LRP1B: variants seen among roughly 807,000 people sequenced by gnomAD.
LRP1B encodes low-density lipoprotein receptor-related protein 1B.
LRP1B carries 217 observed loss-of-function variants against 556.6 expected under a neutral mutation model. The ratio of observed to expected loss-of-function variants is 0.39; its 90% CI spans 0.35 to 0.44. LRP1B has a LOEUF of 0.44. Ranked by LOEUF, LRP1B falls within the 20% of genes least tolerant of loss-of-function variation. The pLI is 1.00. For missense variants in LRP1B, 5,053 were observed against 5,620.8 expected (o/e 0.90, Z 3.23); for synonymous variants, 2,047 against 1,865.8 (o/e 1.10, Z -2.50).
Position 140,541,770 on chromosome 2 carries a change from A to G in LRP1B, c.7387+9T>C. The G allele has an allele frequency of 1.9e-6, 3 of 1,599,914 alleles. No individual in the cohort carries two copies. The highest frequency in any genetic ancestry group is 1.7e-6 in the Non-Finnish European group (2 of 1,169,900). ...TGAAAAAACACATTTGCTTTCTATT[A>G]TAACTTACAGCTATTGGTGTCATTG... On this transcript the variant is annotated intron_variant, in intron 44 of 90. Transcript: ENST00000389484.
intron 1 of LRP1B, among the ~76,000 whole-genome samples, chr2:142,057,744 TAA>T (rs1704732316): frequency 6.6e-6 from 1 of 152,164 alleles, no homozygotes; most frequent in Non-Finnish European, 1.5e-5. Context: ...TTACGTAGAT[TAA>T]GTGTGTGTCT....
At chr2:140,756,761 A>G (rs1034249571) in intron 35 of LRP1B, among the ~76,000 whole-genome samples, 1 of 152,174 alleles carries the variant, frequency 6.6e-6, no homozygotes, top group Non-Finnish European at 1.5e-5. Flanking sequence ...GGATTAGGCA[A>G]TGGTTTCTTA....
chr2:141,632,869 C>CAAAAAAA (rs55807294), intron 2 of LRP1B, among the ~76,000 whole-genome samples: 1 of 133,238 alleles, frequency 7.5e-6, no homozygotes. Flanking sequence ...CTACAAGAAC[C>CAAAAAAA]AAAAAAAAAA....
intron 1 of LRP1B, among the ~76,000 whole-genome samples, chr2:142,070,173 G>T (rs530305840): frequency 6.6e-6 from 1 of 151,604 alleles, no homozygotes; most frequent in Non-Finnish European, 1.5e-5. Flanking sequence ...TAAGGCAAAC[G>T]GTCCAGAGCA....
At chr2:141,373,384 C>T (rs1047629749) in intron 3 of LRP1B, among the ~76,000 whole-genome samples, 1 of 151,968 alleles carries the variant, frequency 6.6e-6, no homozygotes, top group Non-Finnish European at 1.5e-5. Context: ...AATTTAAATC[C>T]AATGTTTATG....
intron 85 of LRP1B, among the ~76,000 whole-genome samples, chr2:140,272,347 C>G (rs1682501547): frequency 6.6e-6 from 1 of 151,390 alleles, no homozygotes; most frequent in South Asian, 2.1e-4. Flanking sequence ...TCAGTCCATA[C>G]AAATAGTTCC....
At chr2:141,007,520 C>T (rs192603510) in intron 14 of LRP1B, among the ~76,000 whole-genome samples, 1 of 151,484 alleles carries the variant, frequency 6.6e-6, no homozygotes, top group East Asian at 1.9e-4. Context: ...TGCATAAATG[C>T]TTTAAGCAGC....
chr2:140,951,140 T>C (rs993584159), intron 19 of LRP1B, among the ~76,000 whole-genome samples: 2 of 152,156 alleles, frequency 1.3e-5, no homozygotes, highest in Non-Finnish European at 2.9e-5. Flanking sequence ...ATAGTTCTCA[T>C]GTCCCATAGT....
chr2:141,470,146 T>C (rs1250147447), intron 3 of LRP1B, among the ~76,000 whole-genome samples: 2 of 152,222 alleles, frequency 1.3e-5, no homozygotes, highest in African/African-American at 4.8e-5. Flanking sequence ...ACTTTCTCTA[T>C]TGAATGACTT....
intron 2 of LRP1B, among the ~76,000 whole-genome samples, chr2:141,597,141 A>G (rs932871624): frequency 2.0e-5 from 3 of 151,900 alleles, no homozygotes; most frequent in Admixed American, 1.3e-4. Flanking sequence ...GTTGACCCAA[A>G]GTGATTCTGA....
chr2:141,240,905 G>T (rs1355367009), intron 5 of LRP1B, among the ~76,000 whole-genome samples: 1 of 152,058 alleles, frequency 6.6e-6, no homozygotes, highest in Non-Finnish European at 1.5e-5. Flanking sequence ...AATGAAAGGT[G>T]TCATGACACA....
intron 66 of LRP1B, among the ~76,000 whole-genome samples, chr2:140,423,372 T>C (rs1685527686): frequency 6.6e-6 from 1 of 152,176 alleles, no homozygotes; most frequent in Admixed American, 6.5e-5. Flanking sequence ...GAAAGCTTTT[T>C]TTTAATTAAA....
At position 142,130,872 on chromosome 2, in the gene LRP1B, A is replaced by G. The variant is rs182789109; in HGVS notation, c.-143T>C. On this transcript the variant is annotated 5_prime_UTR_variant, in exon 1 of 91. Transcript: ENST00000389484. ...ATGTCACTGGAAATTCTTCAGCTCAATGAGTCCAGCCAGTCAGCCTTCTCC... is the reference window on the plus strand; with the variant it reads ...ATGTCACTGGAAATTCTTCAGCTCAGTGAGTCCAGCCAGTCAGCCTTCTCC... 3.9e-4 allele frequency: 282 copies of G among 718,674 alleles called. No individual in the cohort carries two copies. Among genetic ancestry groups the G allele is most frequent in the Non-Finnish European group, 6.3e-4 (253 of 401,536 alleles). 44.5% of individuals were successfully genotyped at this position (718,674 alleles called of 1,614,324 possible). A position where few individuals can be genotyped will look rare whatever the true frequency, so the allele number is the denominator to read the frequency against.
At chr2:140,758,308 T>C (rs1390816862) in intron 35 of LRP1B, among the ~76,000 whole-genome samples, 1 of 151,940 alleles carries the variant, frequency 6.6e-6, no homozygotes, top group Non-Finnish European at 1.5e-5. Flanking sequence ...CAAGAAACAA[T>C]CATATCAATA....
chr2:141,797,700 G>GA (rs537619877), intron 2 of LRP1B, among the ~76,000 whole-genome samples: 59 of 152,180 alleles, frequency 3.9e-4, no homozygotes, highest in African/African-American at 1.3e-3. Context: ...CTTATGTTCT[G>GA]AAAAAATTTT....
intron 3 of LRP1B, among the ~76,000 whole-genome samples, chr2:141,394,903 AATCTCCAC>A (rs1303485390): frequency 1.3e-5 from 2 of 152,090 alleles, no homozygotes; most frequent in African/African-American, 2.4e-5. Context: ...CAGAAGATGC[AATCTCCAC>A]AGTCAAGAAA....
chr2:141,009,722 T>C (rs1006721859), intron 14 of LRP1B, among the ~76,000 whole-genome samples: 1 of 151,988 alleles, frequency 6.6e-6, no homozygotes, highest in Admixed American at 6.6e-5. Context: ...TCTATAAAAG[T>C]AGTCAAGGGG....
rs776244285 is a variant in LRP1B at position 140,536,661 on chromosome 2, C to G, written c.7562G>C (p.Gly2521Ala). The G allele has an allele frequency of 6.2e-7, 1 of 1,610,392 alleles. No homozygotes were observed. The highest frequency in any genetic ancestry group is 1.1e-5 in the South Asian group (1 of 90,586). The change falls in exon 46 of 91, where the codon GGT becomes GCT. Residue 2521 changes from glycine to alanine, a missense_variant. This residue lies in a region of LRP1B where 3,619 missense variants were observed against 3,931.9 expected (regional missense o/e 0.92). Coordinates refer to ENST00000389484, the MANE Select transcript of LRP1B (RefSeq NM_018557.3). ...GGTGAGCTGGTAGTCAATGCACTCA[C>G]CATTTCCACATTCAAACTCCGAATA... is the stretch of plus-strand genomic sequence containing the variant. ...NAYSEFECGN[G>A]ECIDYQLTCD...
intron 43 of LRP1B, among the ~76,000 whole-genome samples, chr2:140,545,139 G>A (rs1017754655): frequency 1.1e-4 from 16 of 143,494 alleles, no homozygotes; most frequent in African/African-American, 4.1e-4. Context: ...ATTTTTATGA[G>A]TTTTTTTTTT....
Sources: allele counts gnomAD v4.1 joint callset (sites outside exome capture counted in the v4.1 genomes callset), GRCh38; gene constraint gnomAD v4.1.1; regional missense constraint gnomAD v4.1.1; transcripts MANE v1.5; gene names NCBI Gene and HGNC (gene_info 2026-07-23, HGNC 2026-07-21).